Variants in DYNC2H1 observed in about 807,000 individuals in gnomAD.
The protein encoded by DYNC2H1 is dynein cytoplasmic 2 heavy chain 1, also known as cytoplasmic dynein 2 heavy chain 1.
In DYNC2H1, 410 loss-of-function variants were observed where a neutral mutation model predicts 570.0. That is an observed-to-expected ratio of 0.72 (90% CI 0.66 to 0.78). DYNC2H1 has a LOEUF of 0.78. DYNC2H1 is among the 30% of genes least tolerant of loss of function. DYNC2H1 has a pLI of 0.00. For synonymous variants in DYNC2H1, 1,688 were observed against 1,677.6 expected (o/e 1.01, Z -0.15); for missense variants, 4,865 against 5,046.4 (o/e 0.96, Z 1.09).
rs539766898 is a variant in DYNC2H1, at chr11:103,300,958, T to G, written c.11096-2135T>G. On this transcript the variant is annotated intron_variant, in intron 75 of 88. Transcript: ENST00000375735. ...ATATTTTGACATTTTTATTGTATAA[T>G]ACATGGTAATTACAGGAGTATCAGA... 5.3e-5 allele frequency among the ~76,000 whole-genome samples: 8 copies of G among 151,988 alleles called. No homozygotes were observed. The South Asian group carries it at 1.7e-3, about 32-fold the overall frequency.
intron 73 of DYNC2H1, among the ~76,000 whole-genome samples, chr11:103,283,489 C>T (rs768826276): frequency 2.0e-5 from 3 of 152,076 alleles, no homozygotes; most frequent in Non-Finnish European, 2.9e-5. Flanking sequence ...TCCATCCTTC[C>T]GTTCCTTCCC....
chr11:103,315,092 T>TA (rs201019284), intron 79 of DYNC2H1, among the ~76,000 whole-genome samples: 24,982 of 151,720 alleles, frequency 0.16, 2,223 homozygotes, highest in Admixed American at 0.25. Context: ...TCCACAATGT[T>TA]CTTTTTTTAA....
At chr11:103,198,892 C>A (rs987447429) in intron 48 of DYNC2H1, among the ~76,000 whole-genome samples, 1 of 152,108 alleles carries the variant, frequency 6.6e-6, no homozygotes. Flanking sequence ...GGTCTATGCA[C>A]ACTGATTCAT....
At chr11:103,253,858 A>T (rs374348696) in intron 66 of DYNC2H1, among the ~76,000 whole-genome samples, 2 of 152,098 alleles carry the variant, frequency 1.3e-5, no homozygotes, top group East Asian at 3.8e-4. Context: ...TTTTTTAACC[A>T]TTAGAACACA....
intron 82 of DYNC2H1, among the ~76,000 whole-genome samples, chr11:103,336,613 C>T (rs989646969): frequency 1.3e-5 from 2 of 152,116 alleles, no homozygotes; most frequent in Non-Finnish European, 2.9e-5. Context: ...TAGTACTATC[C>T]ATGTTGTTGC....
chr11:103,149,054 C>A (rs1860393432), intron 20 of DYNC2H1, among the ~76,000 whole-genome samples: 1 of 152,020 alleles, frequency 6.6e-6, no homozygotes, highest in African/African-American at 2.4e-5. Context: ...GAGACTCTGT[C>A]TCGAAATAAA....
At position 103,199,230 on chromosome 11, in the gene DYNC2H1, T is replaced by A; in HGVS notation, c.7842T>A (p.Gly2614=). The A allele has an allele frequency of 1.3e-6, 2 of 1,547,396 alleles. No individual in the cohort carries two copies. The highest frequency in any genetic ancestry group is 1.8e-6 in the Non-Finnish European group (2 of 1,140,062). The change falls in exon 49 of 89, where the codon GGT becomes GGA. Residue 2614 remains glycine, a splice_region_variant and synonymous_variant. Transcript: ENST00000375735. The surrounding 1 kb of genome is among the most constrained non-coding windows in gnomAD (Gnocchi z 4.6). ...STDLKDVIKK[G]LIHYGRDNQN... is the part of the protein sequence containing the mutation. ...AAATATTCTGATTTTTTTAAAAGGG[T>A]CTTATTCATTATGGACGAGATAACC... is the stretch of plus-strand genomic sequence containing the variant.
intron 83 of DYNC2H1, among the ~76,000 whole-genome samples, chr11:103,380,710 C>T (rs1016424411): frequency 5.5e-4 from 84 of 152,152 alleles, no homozygotes; most frequent in Admixed American, 3.3e-4. Flanking sequence ...CACAGGTGCA[C>T]GGCACCAGCC....
intron 87 of DYNC2H1, 52 bp downstream of exon 87, chr11:103,456,408 T>A: frequency 7.0e-7 from 1 of 1,434,680 alleles, no homozygotes; most frequent in Non-Finnish European, 9.6e-7. Context: ...CCAACTGATA[T>A]AAGAGATTCT....
intron 35 of DYNC2H1, 143 bp downstream of exon 35, chr11:103,173,448 A>G (rs1332625702): frequency 7.1e-6 from 4 of 562,340 alleles, no homozygotes; most frequent in South Asian, 4.0e-5. Flanking sequence ...TAGTGTAGCT[A>G]TGAAAGGCTT....
chr11:103,301,130 C>G (rs1444383255), intron 75 of DYNC2H1, among the ~76,000 whole-genome samples: 3 of 151,836 alleles, frequency 2.0e-5, no homozygotes, highest in Non-Finnish European at 2.9e-5. Flanking sequence ...TGCCAAATCT[C>G]TTGAATGGTC....
At chr11:103,471,251 A>T (rs991118424) in intron 88 of DYNC2H1, among the ~76,000 whole-genome samples, 50 of 152,148 alleles carry the variant, frequency 3.3e-4, no homozygotes, top group African/African-American at 1.1e-3. Flanking sequence ...GTGCTTCCCC[A>T]CCTCCTTTTT....
chr11:103,364,711 A>G (rs1365427433), intron 83 of DYNC2H1, among the ~76,000 whole-genome samples: 1 of 151,912 alleles, frequency 6.6e-6, no homozygotes, highest in Non-Finnish European at 1.5e-5. Flanking sequence ...AAATATCTGC[A>G]GTGCTATTCT....
At position 103,261,259 on chromosome 11, in the gene DYNC2H1, T is replaced by C. The variant is rs1865269475; in HGVS notation, c.10695+1282T>C. Among the ~76,000 whole-genome samples, 1 of 150,036 alleles carries C rather than the reference T, an allele frequency of 6.7e-6. No homozygotes were observed. The highest frequency in any genetic ancestry group is 6.6e-5 in the Admixed American group (1 of 15,140). On this transcript the variant is annotated intron_variant, in intron 70 of 88. Transcript: ENST00000375735. The surrounding 1 kb of genome is among the most constrained non-coding windows in gnomAD (Gnocchi z 4.8). ...AGAGCAGCTGGGGGGAAGGGGTGGCTGTGGGCGCAGCATCAGCAGACTTAA... is the reference window on the plus strand; with the variant it reads ...AGAGCAGCTGGGGGGAAGGGGTGGCCGTGGGCGCAGCATCAGCAGACTTAA...
chr11:103,126,532 TCTAA>T (rs749853665), intron 12 of DYNC2H1, among the ~76,000 whole-genome samples: 8 of 152,204 alleles, frequency 5.3e-5, no homozygotes, highest in South Asian at 2.1e-4. Flanking sequence ...GTACCACTGA[TCTAA>T]CTGAGGATCA....
chr11:103,294,983 G>T (rs1866760240), intron 75 of DYNC2H1, among the ~76,000 whole-genome samples: 1 of 152,182 alleles, frequency 6.6e-6, no homozygotes, highest in South Asian at 2.1e-4. Flanking sequence ...ACGTGTCCAT[G>T]TGCTGCATTG....
chr11:103,222,179 T>A, intron 58 of DYNC2H1, 26 bp downstream of exon 58: 1 of 1,457,582 alleles, frequency 6.9e-7, no homozygotes, highest in Non-Finnish European at 9.3e-7. Context: ...TACTATAAAT[T>A]TGTTTTTCCA....
chr11:103,389,082 A>G (rs1942020610), intron 83 of DYNC2H1, among the ~76,000 whole-genome samples: 1 of 152,196 alleles, frequency 6.6e-6, no homozygotes, highest in African/African-American at 2.4e-5. Context: ...GAATGGTACC[A>G]GCTCCTCCTT....
In DYNC2H1 at chr11:103,204,847, C is replaced by A; in HGVS notation, c.8337C>A (p.Val2779=). 6.3e-7 allele frequency: 1 copy of A among 1,587,944 alleles called. No homozygotes were observed. Residue 2779 remains valine (V), a synonymous_variant, in exon 52 of 89, where the codon GTC becomes GTA. Transcript: ENST00000375735. This position sits in a 1 kb window ranked among gnomAD's most constrained non-coding sequence, Gnocchi z 4.1. The part of the protein sequence containing the change: ...TYRIQQNLHI[V]LIMDSANSNF... ...GAATTCAGCAAAACTTGCATATTGT[C>A]TTGATAATGGATTCTGCAAATTCAA...
Sources: allele counts gnomAD v4.1 joint callset (sites outside exome capture counted in the v4.1 genomes callset), GRCh38; gene constraint gnomAD v4.1.1; non-coding constraint Gnocchi (gnomAD v3.1); transcripts MANE v1.5; gene names NCBI Gene and HGNC (gene_info 2026-07-23, HGNC 2026-07-21).